The following EPHA6 variants were observed in gnomAD, a reference collection of about 807,000 sequenced individuals.
EPHA6 encodes the protein ephrin type-A receptor 6.
EPHA6 carries 50 observed loss-of-function variants against 112.0 expected under a neutral mutation model. The observed-to-expected ratio is 0.45, with a 90% CI of 0.36 to 0.56. EPHA6 has a LOEUF of 0.56. EPHA6 is among the 20% of genes least tolerant of loss of function. The pLI is 0.00. For synonymous variants in EPHA6, 529 were observed against 490.7 expected (o/e 1.08, Z -1.03); for missense variants, 1,280 against 1,417.4 (o/e 0.90, Z 1.56).
intron 3 of EPHA6, among the ~76,000 whole-genome samples, chr3:97,113,267 A>G (rs1330335694): frequency 6.6e-6 from 1 of 152,132 alleles, no homozygotes; most frequent in Non-Finnish European, 1.5e-5. Context: ...TGCATTCAAG[A>G]AACTTACTGG....
chr3:97,297,640 A>G (rs541312283), intron 5 of EPHA6, among the ~76,000 whole-genome samples: 6 of 152,204 alleles, frequency 3.9e-5, no homozygotes, highest in African/African-American at 1.4e-4. Context: ...ATATCTCAAG[A>G]TGGATTAACT....
intron 5 of EPHA6, among the ~76,000 whole-genome samples, chr3:97,358,070 C>G (rs2084176465): frequency 6.6e-6 from 1 of 152,120 alleles, no homozygotes; most frequent in African/African-American, 2.4e-5. Context: ...TGAACCTCAA[C>G]AGTTCAAACC....
At chr3:97,274,715 G>A (rs2080009780) in intron 5 of EPHA6, among the ~76,000 whole-genome samples, 2 of 152,136 alleles carry the variant, frequency 1.3e-5, no homozygotes, top group African/African-American at 4.8e-5. Context: ...AGGCCTGGTG[G>A]AACTGCCATT....
Position 97,679,595 on chromosome 3 carries a change from A to C in EPHA6, c.2785-40666A>C, listed in dbSNP as rs554453056. Among the ~76,000 whole-genome samples the C allele has an allele frequency of 5.9e-5, 9 of 152,308 alleles. No homozygotes were observed. In the South Asian group the frequency reaches 1.7e-3, roughly 28 times the overall value. On this transcript the variant is annotated intron_variant, in intron 14 of 17. Coordinates refer to ENST00000389672, the MANE Select transcript of EPHA6 (RefSeq NM_001080448.3). ...TAATTAGATGTTTAATTCAGTCCCT[A>C]GTCAATCGTTTGTTTTTAAATACAC...
intron 3 of EPHA6, among the ~76,000 whole-genome samples, chr3:97,174,026 C>T (rs1444510632): frequency 6.6e-6 from 1 of 151,684 alleles, no homozygotes; most frequent in Non-Finnish European, 1.5e-5. Flanking sequence ...TACCTTCCCC[C>T]CCAGTCCCCC....
At chr3:97,479,433 G>A in intron 9 of EPHA6, 69 bp downstream of exon 9, 2 of 1,044,420 alleles carry the variant, frequency 1.9e-6, no homozygotes, top group South Asian at 1.8e-5. Flanking sequence ...CATTCAAACT[G>A]TATCTATTGA....
intron 6 of EPHA6, among the ~76,000 whole-genome samples, chr3:97,443,657 C>A (rs2090220908): frequency 6.6e-6 from 1 of 152,154 alleles, no homozygotes; most frequent in South Asian, 2.1e-4. Context: ...ATAAAGGCAG[C>A]CTGCATGGAT....
At chr3:97,297,510 T>A (rs2080916355) in intron 5 of EPHA6, among the ~76,000 whole-genome samples, 1 of 152,172 alleles carries the variant, frequency 6.6e-6, no homozygotes, top group Non-Finnish European at 1.5e-5. Flanking sequence ...TTATGGTGAT[T>A]GTGTAAAACT....
chr3:97,694,399 G>A (rs780188903), intron 14 of EPHA6, among the ~76,000 whole-genome samples: 32 of 152,034 alleles, frequency 2.1e-4, no homozygotes, highest in Non-Finnish European at 4.3e-4. Flanking sequence ...ACCATGGCCG[G>A]CTAATTTTTG....
intron 5 of EPHA6, among the ~76,000 whole-genome samples, chr3:97,312,864 T>C (rs72926309): frequency 0.028 from 4,241 of 151,618 alleles, 201 homozygotes; most frequent in African/African-American, 0.091. Context: ...AACTCCCAGT[T>C]AGTTGTGATA....
At chr3:97,530,798 G>A (rs2092686863) in intron 10 of EPHA6, among the ~76,000 whole-genome samples, 1 of 151,844 alleles carries the variant, frequency 6.6e-6, no homozygotes, top group South Asian at 2.1e-4. Flanking sequence ...TTTTTTGGAA[G>A]CAAAGTTACG....
chr3:97,201,198 T>C (rs2077569537), intron 3 of EPHA6, among the ~76,000 whole-genome samples: 1 of 152,132 alleles, frequency 6.6e-6, no homozygotes, highest in Admixed American at 6.6e-5. Flanking sequence ...AAAATTTATT[T>C]CCTCCAATAA....
At chr3:97,705,536 G>T (rs1210044630) in intron 14 of EPHA6, among the ~76,000 whole-genome samples, 1 of 152,122 alleles carries the variant, frequency 6.6e-6, no homozygotes, top group Non-Finnish European at 1.5e-5. Flanking sequence ...TCATTTCTAA[G>T]CACTGAGAAA....
chr3:96,975,721 C>T (rs1033889940), intron 2 of EPHA6, among the ~76,000 whole-genome samples: 2 of 152,092 alleles, frequency 1.3e-5, no homozygotes, highest in African/African-American at 2.4e-5. Flanking sequence ...AAAACTTTTC[C>T]ATCCATCTCT....
chr3:97,033,906 G>T (rs970242675), intron 3 of EPHA6, among the ~76,000 whole-genome samples: 34 of 151,888 alleles, frequency 2.2e-4, no homozygotes, highest in African/African-American at 8.2e-4. Flanking sequence ...TCAGGCCGTT[G>T]TGGTTTTAGA....
At chr3:97,337,795 G>A (rs74376689) in intron 5 of EPHA6, among the ~76,000 whole-genome samples, 1 of 151,886 alleles carries the variant, frequency 6.6e-6, no homozygotes, top group Non-Finnish European at 1.5e-5. Flanking sequence ...AAATTCAAGG[G>A]TTTCATTGAT....
intron 12 of EPHA6, among the ~76,000 whole-genome samples, chr3:97,604,168 A>G (rs1360385758): frequency 2.0e-5 from 3 of 151,864 alleles, no homozygotes; most frequent in Non-Finnish European, 4.4e-5. Flanking sequence ...AAATATGCCA[A>G]TGAGAAATAT....
At chr3:97,033,108 A>T (rs1401191066) in intron 3 of EPHA6, among the ~76,000 whole-genome samples, 1 of 151,992 alleles carries the variant, frequency 6.6e-6, no homozygotes, top group Admixed American at 6.6e-5. Context: ...CGAGGAATAC[A>T]GGGAATCCTG....
At chr3:97,424,762 C>T (rs552666914) in intron 6 of EPHA6, among the ~76,000 whole-genome samples, 54 of 148,954 alleles carry the variant, frequency 3.6e-4, no homozygotes, top group Admixed American at 2.4e-3. Context: ...GCCGAGACCA[C>T]GCCATTGCAC....
Sources: gnomAD v4.1 joint callset for allele counts (sites outside exome capture counted in the v4.1 genomes callset) on GRCh38, gnomAD v4.1.1 for gene constraint, MANE v1.5 for transcripts, NCBI Gene and HGNC (gene_info 2026-07-23, HGNC 2026-07-21) for gene names.